SLC41A1: variants seen among roughly 807,000 people sequenced by gnomAD.
The protein encoded by SLC41A1 is solute carrier family 41 member 1.
A neutral mutation model predicts 47.3 loss-of-function variants in SLC41A1; 20 were observed. The ratio of observed to expected loss-of-function variants is 0.42; its 90% CI spans 0.30 to 0.61. The LOEUF (loss-of-function observed/expected upper bound fraction) is 0.61. Among genes scored for constraint, SLC41A1 ranks in the 20% least tolerant of loss-of-function variants. The pLI, the probability that SLC41A1 is intolerant of heterozygous loss-of-function variation, is 0.17. For missense variants in SLC41A1, 504 were observed against 674.1 expected (o/e 0.75, Z 2.79); for synonymous variants, 282 against 272.7 (o/e 1.03, Z -0.34).
At position 205,791,029 on chromosome 1, in the gene SLC41A1, G is replaced by T; in HGVS notation, c.*504C>A. ...CTGGAGCAGGTGTCTCCTGTCCAGA[G>T]CTTTGAAGTTGGTCCACTTCTACAA... On this transcript the variant is annotated 3_prime_UTR_variant, in exon 11 of 11. Coordinates refer to ENST00000367137, the MANE Select transcript of SLC41A1 (RefSeq NM_173854.6). This position sits in a 1 kb window ranked among gnomAD's most constrained non-coding sequence, Gnocchi z 4.0. 5.8e-5 allele frequency: 13 copies of T among 222,496 alleles called. No homozygotes were observed. The highest frequency in any genetic ancestry group is 3.4e-4 in the South Asian group (5 of 14,738). The allele number at this position is 222,496 out of a possible 1,614,324, so 13.8% of individuals were successfully genotyped here. A position where few individuals can be genotyped will look rare whatever the true frequency, so the allele number is the denominator to read the frequency against.
chr1:205,808,062 T>G (rs1197666327), intron 2 of SLC41A1, among the ~76,000 whole-genome samples: 2 of 151,872 alleles, frequency 1.3e-5, no homozygotes, highest in African/African-American at 4.8e-5. Flanking sequence ...CTCAAATGAT[T>G]CTCTTGCCTC....
Position 205,810,194 on chromosome 1 carries a change from C to T in SLC41A1, c.248G>A (p.Arg83His), listed in dbSNP as rs760963832. 22 of 1,614,132 alleles carry T rather than the reference C, an allele frequency of 1.4e-5. 1 individual carries two copies. Among genetic ancestry groups the T allele is most frequent in the South Asian group, 1.1e-4 (10 of 91,090 alleles). ...SNESDDVSTDRGPAPPSPLKE... is the reference protein window; with the variant it reads ...SNESDDVSTDHGPAPPSPLKE... Reference sequence around the variant, plus strand: ...GAGCGGGGAAGGTGGCGCAGGGCCACGGTCTGTGCTGACGTCGTCACTTTC... The same window carrying T: ...GAGCGGGGAAGGTGGCGCAGGGCCATGGTCTGTGCTGACGTCGTCACTTTC... The change falls in exon 2 of 11, where the codon CGT becomes CAT. Residue 83 changes from arginine (R) to histidine (H), a missense_variant. Around this residue, in one of 2 missense-constraint regions of SLC41A1, gnomAD observed 421 missense variants for 601.6 expected, o/e 0.70. Transcript: ENST00000367137. This position sits in a 1 kb window ranked among gnomAD's most constrained non-coding sequence, Gnocchi z 5.5.
At chr1:205,793,199 T>C (rs534565803) in intron 10 of SLC41A1, among the ~76,000 whole-genome samples, 33 of 152,330 alleles carry the variant, frequency 2.2e-4, no homozygotes, top group Admixed American at 5.2e-4. Flanking sequence ...TTCCAGCTTC[T>C]TGAGCAGGCC....
intron 1 of SLC41A1, among the ~76,000 whole-genome samples, chr1:205,811,975 G>A (rs918692347): frequency 6.6e-6 from 1 of 151,994 alleles, no homozygotes; most frequent in Non-Finnish European, 1.5e-5. Flanking sequence ...GGAATTCTTA[G>A]AAACAAAAAC....
intron 10 of SLC41A1, among the ~76,000 whole-genome samples, chr1:205,792,952 T>TA (rs1655658783): frequency 6.6e-6 from 1 of 151,902 alleles, no homozygotes. Flanking sequence ...TTTTTTTTTT[T>TA]AAATTTTAGG....
intron 7 of SLC41A1, among the ~76,000 whole-genome samples, chr1:205,797,318 C>T (rs1655772771): frequency 6.6e-6 from 1 of 152,238 alleles, no homozygotes; most frequent in Non-Finnish European, 1.5e-5. Flanking sequence ...TTGTTCTGCC[C>T]ACTCAGCATT....
At chr1:205,799,589 T>C (rs1655825010) in intron 4 of SLC41A1, among the ~76,000 whole-genome samples, 170 bp downstream of exon 4, 1 of 151,884 alleles carries the variant, frequency 6.6e-6, no homozygotes, top group African/African-American at 2.4e-5. Flanking sequence ...CTCCTCATCT[T>C]GGGCGTTTTC....
In SLC41A1 at chr1:205,799,736, C is replaced by T. The variant is rs371085969; in HGVS notation, c.552+23G>A. On this transcript the variant is annotated intron_variant, in intron 4 of 10. Transcript: ENST00000367137. ...TGACTAAGGGGAAGCTTAGCCCACC[C>T]TCTCTGGTCCCTGCCTTCTTACCTG... 8 of 1,613,540 alleles carry T rather than the reference C, an allele frequency of 5.0e-6. No homozygotes were observed. In the East Asian group the frequency reaches 6.7e-5, roughly 13 times the overall value.
chr1:205,807,139 G>A (rs926783219), intron 2 of SLC41A1, among the ~76,000 whole-genome samples: 2 of 152,066 alleles, frequency 1.3e-5, no homozygotes, highest in African/African-American at 4.8e-5. Context: ...AAACCATCCC[G>A]CTCTTCCTGA....
chr1:205,801,977 A>T (rs1203149277), intron 2 of SLC41A1, among the ~76,000 whole-genome samples: 1 of 152,226 alleles, frequency 6.6e-6, no homozygotes, highest in Non-Finnish European at 1.5e-5. Context: ...TGCTAAGAGG[A>T]CTGCAGGAAC....
chr1:205,810,741 G>T lies in SLC41A1; in HGVS notation c.-300C>A. On this transcript the variant is annotated 5_prime_UTR_variant, in exon 2 of 11. Coordinates refer to ENST00000367137, the MANE Select transcript of SLC41A1 (RefSeq NM_173854.6). The surrounding 1 kb of genome is among the most constrained non-coding windows in gnomAD (Gnocchi z 5.5). ...CTCTGTGCTTGAAGAAAAAGTATCT[G>T]TCCTCTTATCTTCTTTGGTTCTCAG... 2.2e-6 allele frequency: 1 copy of T among 460,244 alleles called. No individual in the cohort carries two copies. Among genetic ancestry groups the T allele is most frequent in the Non-Finnish European group, 4.0e-6 (1 of 249,754 alleles). The allele number at this position is 460,244 out of a possible 1,614,324, so 28.5% of individuals were successfully genotyped here. A position where few individuals can be genotyped will look rare whatever the true frequency, so the allele number is the denominator to read the frequency against.
At chr1:205,802,240 T>C (rs1655898127) in intron 2 of SLC41A1, among the ~76,000 whole-genome samples, 1 of 152,126 alleles carries the variant, frequency 6.6e-6, no homozygotes, top group Non-Finnish European at 1.5e-5. Flanking sequence ...CCAAGAGCCT[T>C]GGGTCTCCTA....
At position 205,810,055 on chromosome 1, in the gene SLC41A1, C is replaced by T. The variant is rs1311084328; in HGVS notation, c.372+15G>A. ...CCTGGGCTCACAGTCAAGAGCTGCC[C>T]TACTCAGGTCCTACCTGCACGATGT... On this transcript the variant is annotated intron_variant, in intron 2 of 10. Transcript: ENST00000367137. This position sits in a 1 kb window ranked among gnomAD's most constrained non-coding sequence, Gnocchi z 5.5. 6.2e-7 allele frequency: 1 copy of T among 1,614,000 alleles called. No individual in the cohort carries two copies. The highest frequency in any genetic ancestry group is 1.7e-5 in the Admixed American group (1 of 60,004).
intron 2 of SLC41A1, among the ~76,000 whole-genome samples, chr1:205,808,590 T>C (rs991435696): frequency 2.6e-5 from 4 of 152,158 alleles, no homozygotes; most frequent in East Asian, 1.9e-4. Context: ...AGGAAAGGAA[T>C]AGAAGAGGTG....
rs576628990 is a variant in SLC41A1, at chr1:205,799,415, G to A, written c.553-314C>T. On this transcript the variant is annotated intron_variant, in intron 4 of 10. Transcript: ENST00000367137. ...AGAGTCAAGGCCTGGGCCTCAAGGGGGAAGGCTCCCAGTCTGAACCTGTGT... is the reference window on the plus strand; with the variant it reads ...AGAGTCAAGGCCTGGGCCTCAAGGGAGAAGGCTCCCAGTCTGAACCTGTGT... Among the ~76,000 whole-genome samples the A allele has an allele frequency of 4.6e-5, 7 of 152,316 alleles. No individual in the cohort carries two copies. In the East Asian group the frequency reaches 1.4e-3, roughly 29 times the overall value.
In SLC41A1 at chr1:205,791,950, C is replaced by T. The variant is rs547553339; in HGVS notation, c.1357-232G>A. 1.3e-5 allele frequency among the ~76,000 whole-genome samples: 2 copies of T among 152,358 alleles called. No individual in the cohort carries two copies. Among genetic ancestry groups the T allele is most frequent in the African/African-American group, 2.4e-5 (1 of 41,586 alleles). On this transcript the variant is annotated intron_variant, in intron 10 of 10. Coordinates refer to ENST00000367137, the MANE Select transcript of SLC41A1 (RefSeq NM_173854.6). The surrounding 1 kb of genome is among the most constrained non-coding windows in gnomAD (Gnocchi z 4.0). ...CTCTTTAGAAAGGAAGATGCTGCTA[C>T]GACCCAGGGTCACCCACATCAGCAT...
At chr1:205,804,503 CCCTT>C in intron 2 of SLC41A1, among the ~76,000 whole-genome samples, 1 of 152,272 alleles carries the variant, frequency 6.6e-6, no homozygotes, top group Middle Eastern at 3.4e-3. Flanking sequence ...GGAAGTGAAT[CCCTT>C]CCCACCCTAA....
At position 205,798,024 on chromosome 1, in the gene SLC41A1, A is replaced by C. The variant is rs529498984; in HGVS notation, c.872T>G (p.Val291Gly). ...LNHWRYIYPL[V>G]CAFFVALLPV... Reference sequence around the variant, plus strand: ...CAGCAGGGCCACAAAGAAAGCACACACCAGTGGGTAGATGTATCGCCAGTG... The same window carrying C: ...CAGCAGGGCCACAAAGAAAGCACACCCCAGTGGGTAGATGTATCGCCAGTG... The change falls in exon 7 of 11, where the codon GTG becomes GGG. Residue 291 changes from valine to glycine, a missense_variant. This residue lies in a region of SLC41A1 where 421 missense variants were observed against 601.6 expected (regional missense o/e 0.70). Transcript: ENST00000367137. 6.2e-7 allele frequency: 1 copy of C among 1,614,152 alleles called. No homozygotes were observed. Among genetic ancestry groups the C allele is most frequent in the Admixed American group, 1.7e-5 (1 of 60,012 alleles).
Position 205,794,875 on chromosome 1 carries a change from G to A in SLC41A1, c.1351C>T (p.Leu451Phe). Residue 451 changes from leucine (L) to phenylalanine (F), a missense_variant, in exon 10 of 11, where the codon CTC (leucine) becomes TTC (phenylalanine). Physicochemically the swap from Leu to Phe is conservative, Grantham distance 22. Coordinates refer to ENST00000367137, the MANE Select transcript of SLC41A1 (RefSeq NM_173854.6). The part of the protein sequence containing the change: ...FIIFYMTAAL[L>F]QVLILLYIAD... ...CTGCTCCTGCCACTTTGTACCTGGA[G>A]CAGTGCAGCTGTCATATAGAAGATG... 6.2e-7 allele frequency: 1 copy of A among 1,613,944 alleles called. No individual in the cohort carries two copies. The highest frequency in any genetic ancestry group is 1.1e-5 in the South Asian group (1 of 91,070).
Sources: allele counts gnomAD v4.1 joint callset (sites outside exome capture counted in the v4.1 genomes callset), GRCh38; gene constraint gnomAD v4.1.1; regional missense constraint gnomAD v4.1.1; non-coding constraint Gnocchi (gnomAD v3.1); transcripts MANE v1.5; gene names NCBI Gene and HGNC (gene_info 2026-07-23, HGNC 2026-07-21).